The following NUP85 variants were observed in gnomAD, a reference collection of about 807,000 sequenced individuals.
The protein encoded by NUP85 is nucleoporin 85.
NUP85 carries 23 observed loss-of-function variants against 92.8 expected under a neutral mutation model. The ratio of observed to expected loss-of-function variants is 0.25; its 90% CI spans 0.18 to 0.35. The LOEUF (loss-of-function observed/expected upper bound fraction) is 0.35, where lower values mean the gene tolerates loss of function less well. Ranked by LOEUF, NUP85 falls within the 10% of genes least tolerant of loss-of-function variation. The pLI is 1.00. For missense variants in NUP85, 759 were observed against 822.8 expected (o/e 0.92, Z 0.95); for synonymous variants, 314 against 306.9 (o/e 1.02, Z -0.24).
At chr17:75,210,194 G>T (rs925805468) in intron 3 of NUP85, among the ~76,000 whole-genome samples, 1 of 152,140 alleles carries the variant, frequency 6.6e-6, no homozygotes, top group South Asian at 2.1e-4. Context: ...GGGCTGGCTT[G>T]ACAAGCTTTA....
At position 75,208,541 on chromosome 17, in the gene NUP85, G is replaced by C. The variant is rs999384131; in HGVS notation, c.48G>C (p.Val16=). The C allele has an allele frequency of 3.1e-6, 5 of 1,592,994 alleles. No homozygotes were observed. Among genetic ancestry groups the C allele is most frequent in the Non-Finnish European group, 4.3e-6 (5 of 1,161,822 alleles). ...TATTTTACTAGTTGATTCCAGGCGT[G>C]AATTCCAAGAAGAACCAAATGTATT... is the stretch of plus-strand genomic sequence containing the variant. ...GEPTVTLIPG[V]NSKKNQMYFD... is the part of the protein sequence containing the mutation. The change falls in exon 2 of 19, where the codon GTG becomes GTC. Residue 16 remains valine, a synonymous_variant. Transcript: ENST00000245544.
intron 3 of NUP85, among the ~76,000 whole-genome samples, chr17:75,211,429 C>CT (rs35830323): frequency 6.0e-4 from 84 of 139,276 alleles, no homozygotes; most frequent in African/African-American, 2.1e-3. Context: ...CTGTCTTATT[C>CT]TTTTTTTTTT....
chr17:75,206,770 T>C (rs2075094482), intron 1 of NUP85, among the ~76,000 whole-genome samples: 3 of 152,082 alleles, frequency 2.0e-5, no homozygotes, highest in Admixed American at 2.0e-4. Context: ...CGGTCTCGGC[T>C]CACTGTAACC....
At chr17:75,226,622 C>G in intron 11 of NUP85, 1 of 351,104 alleles carries the variant, frequency 2.8e-6, no homozygotes. Flanking sequence ...GGGATCCCTT[C>G]AAACCATAGC....
intron 6 of NUP85, among the ~76,000 whole-genome samples, chr17:75,217,366 A>AT (rs2075462110): frequency 1.5e-5 from 1 of 65,500 alleles, no homozygotes; most frequent in Non-Finnish European, 3.7e-5. Context: ...GGCTCGGCTA[A>AT]TTTTTTATTT....
Position 75,225,158 on chromosome 17 carries a change from A to G in NUP85, c.653A>G (p.Lys218Arg), listed in dbSNP as rs1186448230. 6.2e-7 allele frequency: 1 copy of G among 1,604,092 alleles called. No individual in the cohort carries two copies. The highest frequency in any genetic ancestry group is 1.3e-5 in the African/African-American group (1 of 74,856). ...RLDEARQMLSKEADASPASAG... is the reference protein window; with the variant it reads ...RLDEARQMLSREADASPASAG... ...GATGAGGCCCGACAGATGCTCTCCA[A>G]GGAAGCCGATGCCAGCCCCGCCTCT... The change falls in exon 8 of 19, where the codon AAG becomes AGG. Residue 218 changes from lysine (K) to arginine (R), a missense_variant. Lys to Arg is a conservative substitution (Grantham distance 26). Coordinates refer to ENST00000245544, the MANE Select transcript of NUP85 (RefSeq NM_024844.5).
chr17:75,226,303 C>T (rs2075792841), intron 11 of NUP85, 146 bp downstream of exon 11: 1 of 629,476 alleles, frequency 1.6e-6, no homozygotes, highest in Admixed American at 2.8e-5. Flanking sequence ...TTACAGAATA[C>T]CTGAGACCAG....
At position 75,208,590 on chromosome 17, in the gene NUP85, C is replaced by A; in HGVS notation, c.97C>A (p.Leu33Met). ...TTTTGACTGGGGTCCAGGGGAGATG[C>A]TGGTATGTGAAACCTCCTTCAACAA... Reference protein sequence around the residue: ...MYFDWGPGEMLVCETSFNKKE... With the variant: ...MYFDWGPGEMMVCETSFNKKE... The change falls in exon 2 of 19, where the codon CTG (leucine) becomes ATG (methionine). Residue 33 changes from leucine to methionine, a missense_variant. Physicochemically the swap from Leu to Met is conservative, Grantham distance 15. Coordinates refer to ENST00000245544, the MANE Select transcript of NUP85 (RefSeq NM_024844.5). The A allele has an allele frequency of 6.2e-7, 1 of 1,607,364 alleles. No individual in the cohort carries two copies. Among genetic ancestry groups the A allele is most frequent in the Non-Finnish European group, 8.5e-7 (1 of 1,174,516 alleles).
Position 75,231,471 on chromosome 17 carries a change from C to T in NUP85, c.1178+48C>T, listed in dbSNP as rs202174050. The T allele has an allele frequency of 1.1e-5, 17 of 1,608,972 alleles. No individual in the cohort carries two copies. The Admixed American group carries it at 2.5e-4, about 24-fold the overall frequency. On this transcript the variant is annotated intron_variant, in intron 12 of 18. Transcript: ENST00000245544. This position sits in a 1 kb window ranked among gnomAD's most constrained non-coding sequence, Gnocchi z 4.6. Reference sequence around the variant, plus strand: ...TCCTCCTCTTCTTACCACCAGGCCCCCGAGGGTGGTGTGAACTGAATGCCT... The same window carrying T: ...TCCTCCTCTTCTTACCACCAGGCCCTCGAGGGTGGTGTGAACTGAATGCCT...
In NUP85 at chr17:75,232,910, GC is replaced by G; in HGVS notation, c.1459del (p.Leu487SerfsTer43). On this transcript the variant is annotated frameshift_variant, in exon 15 of 19. Coordinates refer to ENST00000245544, the MANE Select transcript of NUP85 (RefSeq NM_024844.5). LOFTEE classifies it high-confidence loss of function. The stretch of plus-strand genomic sequence containing the variant: ...CGTCCGCAACAATCGCCTGGGTTCT[GC>G]CCTCTCTTGGAGCATCCGTGCTAAG... ...KAVRNNRLGS[A>X]LSWSIRAKDA... 1 of 1,614,206 alleles carries G rather than the reference GC, an allele frequency of 6.2e-7. No individual in the cohort carries two copies. Among genetic ancestry groups the G allele is most frequent in the East Asian group, 2.2e-5 (1 of 44,888 alleles).
At chr17:75,208,478 A>G (rs1465408132) in intron 1 of NUP85, 49 bp from the exon 2 acceptor site, 1 of 942,038 alleles carries the variant, frequency 1.1e-6, no homozygotes, top group Admixed American at 2.1e-5. Flanking sequence ...GAACAACTTC[A>G]GTAAGAAGAA....
chr17:75,215,861 C>T, intron 6 of NUP85, 38 bp downstream of exon 6: 1 of 1,514,008 alleles, frequency 6.6e-7, no homozygotes, highest in South Asian at 1.1e-5. Context: ...TCATAGGTGT[C>T]CCCTTCCATC....
chr17:75,226,101 C>A lies in NUP85; in HGVS notation c.1038C>A (p.Asp346Glu). 3.1e-6 allele frequency: 5 copies of A among 1,614,168 alleles called. No homozygotes were observed. The highest frequency in any genetic ancestry group is 4.2e-6 in the Non-Finnish European group (5 of 1,180,034). The change falls in exon 11 of 19, where the codon GAC becomes GAA. Residue 346 changes from aspartate (D) to glutamate (E), a missense_variant. Transcript: ENST00000245544. ...LGGESSPEPL[D>E]NILLAAFEFD... ...GTGAGAGCAGCCCAGAACCCCTGGA[C>A]AACATCTTGTTGGCAGCCTTTGAGT...
chr17:75,226,550 A>G (rs915890810), intron 11 of NUP85, among the ~76,000 whole-genome samples: 1 of 152,056 alleles, frequency 6.6e-6, no homozygotes, highest in Non-Finnish European at 1.5e-5. Context: ...CTCCTGGCCT[A>G]ATCACCTCTT....
intron 16 of NUP85, among the ~76,000 whole-genome samples, chr17:75,233,381 CTCTTTCTT>C (rs1178345599): frequency 0.013 from 808 of 60,260 alleles, 7 homozygotes; most frequent in South Asian, 0.048. Context: ...CTTTCTTTCT[CTCTTTCTT>C]TCTCTTTCTC....
At chr17:75,210,123 C>G in intron 3 of NUP85, 138 bp downstream of exon 3, 1 of 754,076 alleles carries the variant, frequency 1.3e-6, no homozygotes, top group Non-Finnish European at 2.1e-6. Flanking sequence ...GGCATGAGTA[C>G]TGGACAGTGT....
chr17:75,232,252 G>C (rs1041560000), intron 14 of NUP85: 2 of 446,984 alleles, frequency 4.5e-6, no homozygotes, highest in African/African-American at 4.0e-5. Flanking sequence ...CACGAGGTCA[G>C]GGCTGGGGTT....
At chr17:75,220,066 C>G (rs976139544) in intron 7 of NUP85, among the ~76,000 whole-genome samples, 15 of 152,246 alleles carry the variant, frequency 9.9e-5, no homozygotes, top group African/African-American at 3.6e-4. Context: ...ACAACATGGT[C>G]TGTGGTGCCA....
At chr17:75,221,765 A>G (rs991177837) in intron 7 of NUP85, among the ~76,000 whole-genome samples, 2 of 152,164 alleles carry the variant, frequency 1.3e-5, no homozygotes, top group Non-Finnish European at 2.9e-5. Context: ...GAAGCCTGAG[A>G]TCTTACTTAG....
Sources: allele counts gnomAD v4.1 joint callset (sites outside exome capture counted in the v4.1 genomes callset), GRCh38; gene constraint gnomAD v4.1.1; non-coding constraint Gnocchi (gnomAD v3.1); transcripts MANE v1.5; gene names NCBI Gene and HGNC (gene_info 2026-07-23, HGNC 2026-07-21).